The following KCNIP4 variants were observed in gnomAD, a reference collection of about 807,000 sequenced individuals.
KCNIP4 encodes the protein potassium voltage-gated channel interacting protein 4.
In KCNIP4, 12 loss-of-function variants were observed where a neutral mutation model predicts 34.0. That is an observed-to-expected ratio of 0.35 (90% CI 0.23 to 0.57). KCNIP4 has a LOEUF of 0.57. Ranked by LOEUF, KCNIP4 falls within the 20% of genes least tolerant of loss-of-function variation. The pLI is 0.83. For missense variants in KCNIP4, 238 were observed against 311.7 expected, an observed-to-expected ratio of 0.76 and a Z score of 1.78; for synonymous variants, 124 against 102.2, an observed-to-expected ratio of 1.21 and a Z score of -1.29.
chr4:20,905,457 T>G (rs1282485014), intron 1 of KCNIP4, among the ~76,000 whole-genome samples: 2 of 151,970 alleles, frequency 1.3e-5, no homozygotes, highest in East Asian at 3.8e-4. Flanking sequence ...TTTCATAAAA[T>G]TTAAAATATT....
At chr4:21,148,258 G>A (rs889969273) in intron 1 of KCNIP4, among the ~76,000 whole-genome samples, 1 of 152,054 alleles carries the variant, frequency 6.6e-6, no homozygotes, top group Admixed American at 6.5e-5. Context: ...ATATTATAAA[G>A]AACAATCTAT....
At chr4:21,765,496 C>A (rs1413978288) in intron 1 of KCNIP4, among the ~76,000 whole-genome samples, 3 of 151,890 alleles carry the variant, frequency 2.0e-5, no homozygotes, top group Non-Finnish European at 4.4e-5. Flanking sequence ...GAAAAGTGGT[C>A]AATTTCTGAG....
intron 1 of KCNIP4, among the ~76,000 whole-genome samples, chr4:21,623,021 A>C (rs1745094105): frequency 6.6e-6 from 1 of 152,222 alleles, no homozygotes; most frequent in African/African-American, 2.4e-5. Context: ...CACTTAAATG[A>C]GATTAAAGAT....
chr4:21,771,766 C>T (rs1008834594), intron 1 of KCNIP4, among the ~76,000 whole-genome samples: 3 of 152,106 alleles, frequency 2.0e-5, no homozygotes, highest in African/African-American at 7.2e-5. Flanking sequence ...GTGATTTTTG[C>T]ACAATGATTT....
chr4:21,106,026 A>G (rs1748491225), intron 1 of KCNIP4, among the ~76,000 whole-genome samples: 1 of 151,542 alleles, frequency 6.6e-6, no homozygotes, highest in African/African-American at 2.4e-5. Context: ...TTTTGCATCA[A>G]TGTTCATCAA....
At chr4:21,771,743 T>C (rs1718807438) in intron 1 of KCNIP4, among the ~76,000 whole-genome samples, 1 of 152,188 alleles carries the variant, frequency 6.6e-6, no homozygotes, top group African/African-American at 2.4e-5. Flanking sequence ...ATTGTTGGTG[T>C]AAAGGAATGC....
chr4:21,613,060 T>C (rs1253742487), intron 1 of KCNIP4, among the ~76,000 whole-genome samples: 3 of 152,272 alleles, frequency 2.0e-5, no homozygotes, highest in Non-Finnish European at 2.9e-5. Flanking sequence ...TTGAGTACTG[T>C]TGGATCAGCA....
At chr4:20,949,650 C>A (rs1004493270) in intron 1 of KCNIP4, among the ~76,000 whole-genome samples, 1 of 151,898 alleles carries the variant, frequency 6.6e-6, no homozygotes, top group Non-Finnish European at 1.5e-5. Context: ...AAATGTGGCA[C>A]ATATACAGCA....
intron 1 of KCNIP4, among the ~76,000 whole-genome samples, chr4:21,070,103 A>C (rs1744752825): frequency 6.6e-6 from 1 of 152,178 alleles, no homozygotes; most frequent in Admixed American, 6.6e-5. Flanking sequence ...GTGACCTTTC[A>C]AGATTGGAGT....
At chr4:21,297,811 CA>C (rs367781855) in intron 1 of KCNIP4, among the ~76,000 whole-genome samples, 3,204 of 145,594 alleles carry the variant, frequency 0.022, 54 homozygotes, top group Non-Finnish European at 0.033. Context: ...GAGCTAGAAG[CA>C]AAAAAAAAAT....
At chr4:20,762,874 G>A (rs1755064629) in intron 3 of KCNIP4, among the ~76,000 whole-genome samples, 1 of 152,186 alleles carries the variant, frequency 6.6e-6, no homozygotes, top group South Asian at 2.1e-4. Flanking sequence ...TCACAGGTCA[G>A]CATCCCTGGG....
At chr4:21,891,655 T>C (rs768355123) in intron 1 of KCNIP4, among the ~76,000 whole-genome samples, 32 of 152,108 alleles carry the variant, frequency 2.1e-4, no homozygotes, top group Non-Finnish European at 4.1e-4. Flanking sequence ...ATTAATTCAT[T>C]AATCATTTTG....
In KCNIP4 at chr4:21,205,135, C is replaced by T. The variant is rs150219345; in HGVS notation, c.62-322426G>A. Among the ~76,000 whole-genome samples, 708 of 152,244 alleles carry T rather than the reference C, an allele frequency of 4.7e-3. 3 individuals are homozygous for T. Among genetic ancestry groups the T allele is most frequent in the Non-Finnish European group, 7.3e-3 (497 of 68,018 alleles). ...TATGACTGTGGAGTAAATACTGGGTCGAACCTCATTGTTCTACAATTTTCT... is the reference window on the plus strand; with the variant it reads ...TATGACTGTGGAGTAAATACTGGGTTGAACCTCATTGTTCTACAATTTTCT... On this transcript the variant is annotated intron_variant, in intron 1 of 8. Coordinates refer to ENST00000382152, the MANE Select transcript of KCNIP4 (RefSeq NM_025221.6).
chr4:20,787,483 A>T (rs558688224), intron 3 of KCNIP4, among the ~76,000 whole-genome samples: 9 of 152,070 alleles, frequency 5.9e-5, no homozygotes, highest in Admixed American at 5.9e-4. Context: ...TCCTCTTCTC[A>T]TATTGATTTT....
intron 1 of KCNIP4, among the ~76,000 whole-genome samples, chr4:21,373,100 G>T (rs1720642838): frequency 2.7e-5 from 4 of 146,264 alleles, no homozygotes; most frequent in Admixed American, 2.7e-4. Context: ...TTTTCTAATG[G>T]TAAATAATCC....
intron 1 of KCNIP4, 77 bp downstream of exon 1, chr4:21,948,494 G>T: frequency 1.3e-6 from 2 of 1,495,052 alleles, no homozygotes; most frequent in Non-Finnish European, 1.8e-6. Flanking sequence ...GCCGAGGAAG[G>T]GAAGGGGCAG....
intron 1 of KCNIP4, among the ~76,000 whole-genome samples, chr4:21,528,127 C>T (rs185365941): frequency 6.6e-6 from 1 of 152,260 alleles, no homozygotes; most frequent in East Asian, 1.9e-4. Context: ...CTCTCTGCTG[C>T]CTTCAGCTAT....
intron 1 of KCNIP4, among the ~76,000 whole-genome samples, chr4:21,837,751 T>A (rs979376822): frequency 3.3e-5 from 5 of 152,146 alleles, no homozygotes; most frequent in African/African-American, 1.2e-4. Context: ...AATCATTTAA[T>A]TAAGATGGCT....
At chr4:20,960,554 G>A (rs1404017755) in intron 1 of KCNIP4, among the ~76,000 whole-genome samples, 1 of 152,220 alleles carries the variant, frequency 6.6e-6, no homozygotes, top group African/African-American at 2.4e-5. Flanking sequence ...CATGCACAGG[G>A]AGTGGGAACT....
Sources: gnomAD v4.1 joint callset for allele counts (sites outside exome capture counted in the v4.1 genomes callset) on GRCh38, gnomAD v4.1.1 for gene constraint, MANE v1.5 for transcripts, NCBI Gene and HGNC (gene_info 2026-07-23, HGNC 2026-07-21) for gene names.